KCNAB2: variants seen among roughly 807,000 people sequenced by gnomAD.
KCNAB2 encodes potassium voltage-gated channel subfamily A regulatory beta subunit 2.
KCNAB2 carries 29 observed loss-of-function variants against 63.6 expected under a neutral mutation model. The ratio of observed to expected loss-of-function variants is 0.46; its 90% CI spans 0.34 to 0.62. The LOEUF is 0.62. Ranked by LOEUF, KCNAB2 falls within the 20% of genes least tolerant of loss-of-function variation. The pLI is 0.01. For synonymous variants in KCNAB2, 222 were observed against 224.2 expected (o/e 0.99, Z 0.09); for missense variants, 359 against 563.9 (o/e 0.64, Z 3.68).
chr1:6,020,195 T>C (rs1184581973), intron 1 of KCNAB2, among the ~76,000 whole-genome samples: 1 of 152,164 alleles, frequency 6.6e-6, no homozygotes, highest in Non-Finnish European at 1.5e-5. Context: ...GGAATGAAGT[T>C]ACATCAAAGC....
At chr1:6,044,233 G>A (rs1660738093), upstream of KCNAB2, among the ~76,000 whole-genome samples, 1 of 152,180 alleles carries the variant, frequency 6.6e-6, no homozygotes, top group African/African-American at 2.4e-5. Flanking sequence ...AGAGAGGGGT[G>A]AAGGATTGGG....
chr1:6,040,677 C>CTT (rs1660426744), intron 2 of KCNAB2: 1 of 1,379,308 alleles, frequency 7.3e-7, no homozygotes, highest in Non-Finnish European at 1.0e-6. Flanking sequence ...CAGGCCCCCT[C>CTT]CCAGGGTCAG....
At position 6,035,303 on chromosome 1, in the gene KCNAB2, C is replaced by A. The variant is rs1448756761; in HGVS notation, c.-53+509C>A. Among the ~76,000 whole-genome samples the A allele has an allele frequency of 6.6e-6, 1 of 152,078 alleles. No homozygotes were observed. The highest frequency in any genetic ancestry group is 1.5e-5 in the Non-Finnish European group (1 of 68,024). ...ACCCACTGTTGAGATTGGACTTTGG[C>A]TCTGAATGGAATGGAAGCCATTGGA... On this transcript the variant is annotated intron_variant, in intron 1 of 15. Transcript: ENST00000164247. The surrounding 1 kb of genome is among the most constrained non-coding windows in gnomAD (Gnocchi z 5.0).
chr1:6,051,785 G>T, intron 2 of KCNAB2, 31 bp downstream of exon 2: 2 of 1,514,486 alleles, frequency 1.3e-6, no homozygotes, highest in Non-Finnish European at 1.8e-6. Flanking sequence ...CGGTGGGGTG[G>T]GAAGTCTGAT....
chr1:6,092,207 G>A (rs1175916183), intron 10 of KCNAB2, among the ~76,000 whole-genome samples: 2 of 152,248 alleles, frequency 1.3e-5, no homozygotes, highest in African/African-American at 2.4e-5. Flanking sequence ...AATTGTCCCT[G>A]GGTCTGGGGC....
intron 15 of KCNAB2, 157 bp from the exon 16 acceptor site, chr1:6,098,328 G>C: frequency 7.0e-7 from 1 of 1,437,150 alleles, no homozygotes; most frequent in South Asian, 1.5e-5. Flanking sequence ...AAACACAAAA[G>C]CAGCGTGGCC....
intron 2 of KCNAB2, among the ~76,000 whole-genome samples, chr1:6,072,459 A>G (rs962095582): frequency 2.0e-4 from 30 of 152,200 alleles, no homozygotes; most frequent in African/African-American, 6.3e-4. Context: ...GTTTCGCCAT[A>G]AAACAGACAG....
upstream of KCNAB2, among the ~76,000 whole-genome samples, chr1:6,033,535 AGAG>A (rs1300552399): frequency 1.4e-4 from 21 of 152,284 alleles, no homozygotes; most frequent in African/African-American, 5.1e-4. Context: ...AAAGGGGAAG[AGAG>A]GAGCGGGAAT....
At position 6,073,146 on chromosome 1, in the gene KCNAB2, G is replaced by T. The variant is rs575737019; in HGVS notation, c.262+348G>T. Among the ~76,000 whole-genome samples, 9 of 152,234 alleles carry T rather than the reference G, an allele frequency of 5.9e-5. No individual in the cohort carries two copies. The East Asian group carries it at 1.7e-3, about 29-fold the overall frequency. ...CACCTTACCTTCCAAGGCAGGCTCA[G>T]CTCGTGAGTCCCTCCTGGAGCGCCA... On this transcript the variant is annotated intron_variant, in intron 3 of 15. Coordinates refer to ENST00000378083, the MANE Select transcript of KCNAB2 (RefSeq NM_001199862.2). The surrounding 1 kb of genome is among the most constrained non-coding windows in gnomAD (Gnocchi z 5.7).
upstream of KCNAB2, among the ~76,000 whole-genome samples, chr1:6,030,447 A>ATGTG (rs1659504987): frequency 1.4e-5 from 2 of 143,428 alleles, no homozygotes; most frequent in Non-Finnish European, 3.1e-5. Context: ...CACCCCTCCA[A>ATGTG]CGTGTGTGTG....
chr1:6,084,628 C>T (rs577498482), intron 5 of KCNAB2, among the ~76,000 whole-genome samples: 87 of 152,236 alleles, frequency 5.7e-4, no homozygotes, highest in South Asian at 1.0e-3. Flanking sequence ...CCAGCCTGGC[C>T]AACATAGTGA....
chr1:6,044,581 T>C (rs1570941368), upstream of KCNAB2, among the ~76,000 whole-genome samples: 1 of 151,398 alleles, frequency 6.6e-6, no homozygotes, highest in Admixed American at 6.6e-5. Flanking sequence ...GCTGTAGAGG[T>C]GGATGTTGGT....
chr1:6,095,523 T>C lies in KCNAB2; in HGVS notation c.854-7T>C, dbSNP rs993539133. ...AGGGCTTGACTCCACCTGCTTTTCC[T>C]CTTCAGGAGTGGGCGCCATGACCTG... On this transcript the variant is annotated splice_polypyrimidine_tract_variant and splice_region_variant and intron_variant, in intron 12 of 15. Coordinates refer to ENST00000378083, the MANE Select transcript of KCNAB2 (RefSeq NM_001199862.2). The C allele has an allele frequency of 7.0e-6, 11 of 1,578,972 alleles. No homozygotes were observed. The highest frequency in any genetic ancestry group is 9.5e-6 in the Non-Finnish European group (11 of 1,159,466).
intron 10 of KCNAB2, among the ~76,000 whole-genome samples, 151 bp downstream of exon 10, chr1:6,091,458 G>C (rs992349152): frequency 6.6e-6 from 1 of 152,162 alleles, no homozygotes; most frequent in Non-Finnish European, 1.5e-5. Context: ...AGAACACCTT[G>C]CAAGTGAAGG....
At chr1:6,001,932 C>G (rs1657284993) in intron 1 of KCNAB2, among the ~76,000 whole-genome samples, 1 of 152,176 alleles carries the variant, frequency 6.6e-6, no homozygotes, top group Admixed American at 6.5e-5. Flanking sequence ...AGCTCTCTGA[C>G]TGAGCCCCCT....
At chr1:5,997,639 T>C (rs1458791838) in intron 1 of KCNAB2, among the ~76,000 whole-genome samples, 1 of 152,196 alleles carries the variant, frequency 6.6e-6, no homozygotes, top group African/African-American at 2.4e-5. Context: ...GGCCCTGGTA[T>C]CCACAGGCTC....
rs1664031713 is a variant in KCNAB2, at chr1:6,079,665, GTAGT to G, written c.301-2527_301-2524del. On this transcript the variant is annotated intron_variant, in intron 4 of 15. Coordinates refer to ENST00000378083, the MANE Select transcript of KCNAB2 (RefSeq NM_001199862.2). ...ACTGCATTTGTCTAAGGTGCCTAGA[GTAGT>G]TAAATTCATAAATACCAGAGAATGA... is the stretch of plus-strand genomic sequence containing the variant. Among the ~76,000 whole-genome samples the G allele has an allele frequency of 6.6e-5, 10 of 152,286 alleles. No homozygotes were observed. The South Asian group carries it at 2.1e-3, about 32-fold the overall frequency.
At chr1:6,063,257 T>A (rs1662471717) in intron 2 of KCNAB2, among the ~76,000 whole-genome samples, 1 of 151,888 alleles carries the variant, frequency 6.6e-6, no homozygotes, top group Non-Finnish European at 1.5e-5. Context: ...ACTCCTGACC[T>A]CACGATCCAC....
chr1:6,097,329 A>G lies in KCNAB2; in HGVS notation c.1130A>G (p.Gln377Arg). ...SVLLGASNADQLMENIGAIQV... is the reference protein window; with the variant it reads ...SVLLGASNADRLMENIGAIQV... ...CTCCTGGGGGCCTCCAATGCGGACC[A>G]GCTCATGGAGAACATTGGGGCAATA... The change falls in exon 15 of 16, where the codon CAG (glutamine) becomes CGG (arginine). Residue 377 changes from glutamine (Q) to arginine (R), a missense_variant. Physicochemically the swap from Gln to Arg is conservative, Grantham distance 43. Coordinates refer to ENST00000378083, the MANE Select transcript of KCNAB2 (RefSeq NM_001199862.2). 3 of 1,552,934 alleles carry G rather than the reference A, an allele frequency of 1.9e-6. No individual in the cohort carries two copies. The highest frequency in any genetic ancestry group is 2.6e-6 in the Non-Finnish European group (3 of 1,147,648).
Sources: gnomAD v4.1 joint callset for allele counts (sites outside exome capture counted in the v4.1 genomes callset) on GRCh38, gnomAD v4.1.1 for gene constraint, Gnocchi (gnomAD v3.1) non-coding constraint, MANE v1.5 for transcripts, NCBI Gene and HGNC (gene_info 2026-07-23, HGNC 2026-07-21) for gene names.